The following CFLAR variants were observed in gnomAD, a reference collection of about 807,000 sequenced individuals.
The protein encoded by CFLAR is CASP8 and FADD-like apoptosis regulator.
In CFLAR, 14 loss-of-function variants were observed where a neutral mutation model predicts 51.1. That is an observed-to-expected ratio of 0.27 (90% CI 0.18 to 0.43). The LOEUF (loss-of-function observed/expected upper bound fraction) is 0.43, where lower values mean the gene tolerates loss of function less well. CFLAR is among the 20% of genes least tolerant of loss of function. The probability of loss-of-function intolerance (pLI) is 1.00; values close to 1 mark genes in which losing one functional copy is unlikely to be tolerated. For missense variants in CFLAR, 390 were observed against 566.5 expected (o/e 0.69, Z 3.16); for synonymous variants, 210 against 211.6 (o/e 0.99, Z 0.06).
At chr2:201,117,521 GAGGGGTGAAACCAGT>G in intron 1 of CFLAR, among the ~76,000 whole-genome samples, 1 of 152,176 alleles carries the variant, frequency 6.6e-6, no homozygotes. Flanking sequence ...CTTAAGCAAT[GAGGGGTGAAACCAGT>G]AGGGGGATAG....
chr2:201,141,182 A>G (rs1938738701), intron 5 of CFLAR, among the ~76,000 whole-genome samples: 1 of 152,150 alleles, frequency 6.6e-6, no homozygotes, highest in African/African-American at 2.4e-5. Flanking sequence ...CAGTAGCCAA[A>G]TCGCGCCATT....
chr2:201,162,166 C>T (rs916940387), intron 9 of CFLAR, among the ~76,000 whole-genome samples: 5 of 152,026 alleles, frequency 3.3e-5, no homozygotes, highest in African/African-American at 1.2e-4. Context: ...TGCAGTGGCA[C>T]ACCTCGGCTT....
chr2:201,153,333 G>C (rs1038457180), intron 8 of CFLAR: 1 of 152,222 alleles, frequency 6.6e-6, no homozygotes, highest in African/African-American at 2.4e-5. Context: ...AGCAGCAGGA[G>C]AACATTAATT....
At chr2:201,145,584 T>C in intron 6 of CFLAR, 152 bp downstream of exon 6, 2 of 592,880 alleles carry the variant, frequency 3.4e-6, no homozygotes, top group African/African-American at 1.9e-5. Flanking sequence ...GATAGACTCA[T>C]TGGCATTTCT....
rs953966001 is a variant in CFLAR at position 201,137,870 on chromosome 2, G to A, written c.523+1763G>A. 1.1e-5 allele frequency: 9 copies of A among 828,782 alleles called. No homozygotes were observed. In the African/African-American group the frequency reaches 1.2e-4, roughly 11 times the overall value. 51.3% of individuals were successfully genotyped at this position (828,782 alleles called of 1,614,324 possible). A position where few individuals can be genotyped will look rare whatever the true frequency, so the allele number is the denominator to read the frequency against. On this transcript the variant is annotated intron_variant, in intron 4 of 9. Transcript: ENST00000309955. ...TTCCGTCTGAGAAGAAGCACTCGCC[G>A]GGGGCCTCCATGGTGGCGGCCAGCA... is the stretch of plus-strand genomic sequence containing the variant.
intron 2 of CFLAR, among the ~76,000 whole-genome samples, chr2:201,131,300 G>T (rs1360271900): frequency 6.6e-6 from 1 of 152,020 alleles, no homozygotes; most frequent in Non-Finnish European, 1.5e-5. Flanking sequence ...GCAGTGGTGC[G>T]ATCTTGGCTC....
intron 8 of CFLAR, chr2:201,151,054 T>A (rs1333728876): frequency 3.3e-5 from 5 of 152,206 alleles, no homozygotes; most frequent in African/African-American, 9.7e-5. Flanking sequence ...CGACAAAAGC[T>A]TTCCTGGGAA....
At chr2:201,134,544 A>G (rs2125701564) in intron 3 of CFLAR, among the ~76,000 whole-genome samples, 1 of 151,932 alleles carries the variant, frequency 6.6e-6, no homozygotes, top group African/African-American at 2.4e-5. Context: ...CTGAGGCAGG[A>G]GAATTGCTAG....
chr2:201,144,456 C>T (rs1475802180), intron 5 of CFLAR, among the ~76,000 whole-genome samples: 1 of 152,240 alleles, frequency 6.6e-6, no homozygotes, highest in Non-Finnish European at 1.5e-5. Context: ...AATAACTGGA[C>T]ATTTATTATG....
Position 201,138,964 on chromosome 2 carries a change from G to C in CFLAR, c.524-1393G>C. The stretch of plus-strand genomic sequence containing the variant: ...CTGGGAGAATCAAGAAGTCGTTGTA[G>C]GTGAGTCCCTGGTCACTGGCGAAGA... On this transcript the variant is annotated intron_variant, in intron 4 of 9. Transcript: ENST00000309955. The surrounding 1 kb of genome is among the most constrained non-coding windows in gnomAD (Gnocchi z 4.0). The C allele has an allele frequency of 1.7e-6, 1 of 585,144 alleles. No homozygotes were observed. 36.2% of individuals were successfully genotyped at this position (585,144 alleles called of 1,614,324 possible). A position where few individuals can be genotyped will look rare whatever the true frequency, so the allele number is the denominator to read the frequency against.
chr2:201,137,908 T>C (rs2125729462), intron 4 of CFLAR: 2 of 770,872 alleles, frequency 2.6e-6, no homozygotes, highest in South Asian at 2.7e-5. Flanking sequence ...GAGCCCATCA[T>C]CACTGTGGAG....
intron 4 of CFLAR, 146 bp downstream of exon 4, chr2:201,136,253 C>T (rs777893029): frequency 1.7e-5 from 27 of 1,603,332 alleles, no homozygotes; most frequent in Admixed American, 1.0e-4. Flanking sequence ...GGCTAGAAAT[C>T]GCGTCCCTTT....
In CFLAR at chr2:201,176,638, G is replaced by A. The variant is rs953236475; in HGVS notation, c.*12665G>A. The stretch of plus-strand genomic sequence containing the variant: ...ACCTTGAAGTGAAAGGCCTTTCTGC[G>A]TTTATCTTACCTTTTTTGAGCAGCA... On this transcript the variant is annotated 3_prime_UTR_variant, in exon 10 of 10. Coordinates refer to ENST00000309955, the MANE Select transcript of CFLAR (RefSeq NM_003879.7). 1 of 151,972 alleles carries A rather than the reference G, an allele frequency of 6.6e-6. No homozygotes were observed. The highest frequency in any genetic ancestry group is 2.4e-5 in the African/African-American group (1 of 41,336). 9.4% of individuals were successfully genotyped at this position (151,972 alleles called of 1,614,324 possible).
At position 201,175,613 on chromosome 2, in the gene CFLAR, G is replaced by A. The variant is rs1381153899; in HGVS notation, c.*11640G>A. On this transcript the variant is annotated 3_prime_UTR_variant, in exon 10 of 10. Coordinates refer to ENST00000309955, the MANE Select transcript of CFLAR (RefSeq NM_003879.7). The stretch of plus-strand genomic sequence containing the variant: ...TACTCCAGCCTGGGGAACAGAGTGA[G>A]ACCCTGTCTCAAAATAAAAATAAAT... The A allele has an allele frequency of 6.6e-6, 1 of 152,166 alleles. No homozygotes were observed. Among genetic ancestry groups the A allele is most frequent in the East Asian group, 1.9e-4 (1 of 5,196 alleles). 9.4% of individuals were successfully genotyped at this position (152,166 alleles called of 1,614,324 possible). A position where few individuals can be genotyped will look rare whatever the true frequency, so the allele number is the denominator to read the frequency against.
intron 9 of CFLAR, 108 bp from the exon 10 acceptor site, chr2:201,163,727 G>C: frequency 6.6e-7 from 1 of 1,504,328 alleles, no homozygotes. Flanking sequence ...CCTTCAGAAA[G>C]GAACAGTTTC....
intron 5 of CFLAR, among the ~76,000 whole-genome samples, chr2:201,142,387 C>T (rs1939129348): frequency 6.6e-6 from 1 of 151,976 alleles, no homozygotes; most frequent in Non-Finnish European, 1.5e-5. Flanking sequence ...CTGTAAGAGA[C>T]ACTACTGAGC....
intron 1 of CFLAR, among the ~76,000 whole-genome samples, chr2:201,123,367 C>T (rs1157542334): frequency 6.6e-6 from 1 of 152,170 alleles, no homozygotes; most frequent in Non-Finnish European, 1.5e-5. Flanking sequence ...ATTTATTTCT[C>T]ACAGTCTGGA....
At position 201,144,502 on chromosome 2, in the gene CFLAR, G is replaced by C. The variant is rs565113822; in HGVS notation, c.607-876G>C. ...TGCTTGGCACTGTGCTGAGTGCTTT[G>C]TGTGCATTTAATCTTCATACAAAAT... On this transcript the variant is annotated intron_variant, in intron 5 of 9. Transcript: ENST00000309955. Among the ~76,000 whole-genome samples the C allele has an allele frequency of 3.9e-5, 6 of 152,258 alleles. No homozygotes were observed. In the South Asian group the frequency reaches 1.2e-3, roughly 31 times the overall value.
rs1252142817 is a variant in CFLAR, at chr2:201,164,896, C to T, written c.*923C>T. Reference sequence around the variant, plus strand: ...GGTAAGGCATGCTTCCAGATCTTACCAGATGTCAGTCTTTTGATGTTCTCA... The same window carrying T: ...GGTAAGGCATGCTTCCAGATCTTACTAGATGTCAGTCTTTTGATGTTCTCA... On this transcript the variant is annotated 3_prime_UTR_variant, in exon 10 of 10. Transcript: ENST00000309955. The T allele has an allele frequency of 2.0e-5, 3 of 152,056 alleles. No homozygotes were observed. Among genetic ancestry groups the T allele is most frequent in the African/African-American group, 7.2e-5 (3 of 41,394 alleles). 9.4% of individuals were successfully genotyped at this position (152,056 alleles called of 1,614,324 possible). A position where few individuals can be genotyped will look rare whatever the true frequency, so the allele number is the denominator to read the frequency against.
Sources: gnomAD v4.1 joint callset for allele counts (sites outside exome capture counted in the v4.1 genomes callset) on GRCh38, gnomAD v4.1.1 for gene constraint, Gnocchi (gnomAD v3.1) non-coding constraint, MANE v1.5 for transcripts, NCBI Gene and HGNC (gene_info 2026-07-23, HGNC 2026-07-21) for gene names.